Variants in FXR1 observed in about 807,000 individuals in gnomAD.
The protein encoded by FXR1 is FMR1 autosomal homolog 1, also known as RNA-binding protein FXR1.
FXR1 carries 15 observed loss-of-function variants against 84.0 expected under a neutral mutation model. The observed-to-expected ratio is 0.18, with a 90% CI of 0.12 to 0.27. The LOEUF is 0.27. FXR1 is among the 10% of genes least tolerant of loss of function. The pLI is 1.00. For missense variants in FXR1, 480 were observed against 774.4 expected (o/e 0.62, Z 4.51); for synonymous variants, 245 against 250.7 (o/e 0.98, Z 0.21).
chr3:180,913,356 C>T (rs1717476555), intron 1 of FXR1, among the ~76,000 whole-genome samples: 1 of 152,008 alleles, frequency 6.6e-6, no homozygotes, highest in South Asian at 2.1e-4. Context: ...ATTTTTGCGG[C>T]CTGGGAAATT....
intron 8 of FXR1, 40 bp downstream of exon 8, chr3:180,951,508 A>G (rs376260999): frequency 4.4e-6 from 6 of 1,356,652 alleles, no homozygotes; most frequent in Middle Eastern, 1.8e-4. Context: ...TAGTGTATTA[A>G]CCATCTATTG....
chr3:180,948,062 G>C, intron 4 of FXR1, 126 bp downstream of exon 4: 2 of 645,664 alleles, frequency 3.1e-6, no homozygotes, highest in South Asian at 4.2e-5. Context: ...TAGTTGATCA[G>C]ACATTTCCAT....
rs960334687 is a variant in FXR1 at position 180,952,291 on chromosome 3, G to A, written c.801+823G>A. Among the ~76,000 whole-genome samples, 3 of 152,096 alleles carry A rather than the reference G, an allele frequency of 2.0e-5. No homozygotes were observed. In the East Asian group the frequency reaches 5.8e-4, roughly 29 times the overall value. On this transcript the variant is annotated intron_variant, in intron 8 of 16. Coordinates refer to ENST00000357559, the MANE Select transcript of FXR1 (RefSeq NM_005087.4). ...TTTTTGAATGACAATTTTGTGTCTT[G>A]ACTTTTCATACATAGCTCTTATGAA...
At chr3:180,943,610 T>C (rs1721374570) in intron 3 of FXR1, among the ~76,000 whole-genome samples, 1 of 152,114 alleles carries the variant, frequency 6.6e-6, no homozygotes, top group Non-Finnish European at 1.5e-5. Context: ...GTTTAGTCAC[T>C]TTATGAGAGT....
At position 180,978,156 on chromosome 3, in the gene FXR1, T is replaced by A. The variant is rs1456297294; in HGVS notation, c.*1864T>A. ...TATAAGGTATTAGAAGAATTTTAAT[T>A]AATGCCAAATTGGTAAATATGGTGT... On this transcript the variant is annotated 3_prime_UTR_variant, in exon 17 of 17. Transcript: ENST00000357559. The A allele has an allele frequency of 6.7e-6, 1 of 149,762 alleles. No homozygotes were observed. Among genetic ancestry groups the A allele is most frequent in the Admixed American group, 6.6e-5 (1 of 15,080 alleles). The allele number at this position is 149,762 out of a possible 1,614,324, so 9.3% of individuals were successfully genotyped here.
chr3:180,925,799 C>T (rs574769), intron 1 of FXR1, among the ~76,000 whole-genome samples: 142,946 of 152,302 alleles, frequency 0.94, 67,172 homozygotes, highest in East Asian at 1. Flanking sequence ...ATAAAATCCA[C>T]TGTGGCAGTT....
At chr3:180,932,090 A>AAAAAAAAAAAC (rs1553842548) in intron 1 of FXR1, among the ~76,000 whole-genome samples, 27 of 149,892 alleles carry the variant, frequency 1.8e-4, no homozygotes, top group Non-Finnish European at 4.0e-4. Flanking sequence ...AAAAAAAAAA[A>AAAAAAAAAAAC]CAACTTTTTT....
At chr3:180,936,631 A>G (rs991383630) in intron 3 of FXR1, among the ~76,000 whole-genome samples, 3 of 152,232 alleles carry the variant, frequency 2.0e-5, no homozygotes, top group Non-Finnish European at 2.9e-5. Flanking sequence ...TAGGAAGTCA[A>G]AAATTGCAGC....
intron 1 of FXR1, among the ~76,000 whole-genome samples, chr3:180,919,420 G>GA (rs1400738941): frequency 2.6e-5 from 4 of 151,316 alleles, no homozygotes; most frequent in Non-Finnish European, 5.9e-5. Context: ...GAGTAGCTGG[G>GA]ATTATAGCTG....
rs10600370 is a variant in FXR1 at position 180,964,673 on chromosome 3, T to TTATATATATATA, written c.1198+1600_1198+1611dup. On this transcript the variant is annotated intron_variant, in intron 13 of 16. Coordinates refer to ENST00000357559, the MANE Select transcript of FXR1 (RefSeq NM_005087.4). The stretch of plus-strand genomic sequence containing the variant: ...TATATCAGAGGGACTTGTAGTTGAT[T>TTATATATATATA]TATATATATATATATATATATATAT... Among the ~76,000 whole-genome samples, 206 of 136,338 alleles carry TTATATATATATA rather than the reference T, an allele frequency of 1.5e-3. 1 individual carries two copies. Among genetic ancestry groups the TTATATATATATA allele is most frequent in the African/African-American group, 5.4e-3 (187 of 34,566 alleles). 89.4% of individuals were successfully genotyped at this position (136,338 alleles called of 152,430 possible). A position where few individuals can be genotyped will look rare whatever the true frequency, so the allele number is the denominator to read the frequency against.
chr3:180,946,445 G>A (rs565807700), intron 3 of FXR1, among the ~76,000 whole-genome samples: 7 of 152,324 alleles, frequency 4.6e-5, no homozygotes, highest in South Asian at 2.1e-4. Flanking sequence ...ATAAGGGTGA[G>A]TTCTGTTCTA....
intron 9 of FXR1, among the ~76,000 whole-genome samples, chr3:180,954,613 C>G (rs1471187611): frequency 6.6e-6 from 1 of 152,124 alleles, no homozygotes; most frequent in African/African-American, 2.4e-5. Flanking sequence ...TAAAAATTGA[C>G]TTACCTAAAC....
chr3:180,914,492 C>A (rs1717643242), intron 1 of FXR1, among the ~76,000 whole-genome samples: 1 of 152,118 alleles, frequency 6.6e-6, no homozygotes, highest in South Asian at 2.1e-4. Flanking sequence ...TTTCATGGTT[C>A]TGCATCATGC....
chr3:180,943,621 A>T (rs1218072344), intron 3 of FXR1, among the ~76,000 whole-genome samples: 1 of 152,164 alleles, frequency 6.6e-6, no homozygotes, highest in African/African-American at 2.4e-5. Context: ...TTATGAGAGT[A>T]ACTTGGTCTT....
At chr3:180,949,473 A>G (rs767749325) in intron 7 of FXR1, 130 bp downstream of exon 7, 98 of 667,580 alleles carry the variant, frequency 1.5e-4, no homozygotes, top group Non-Finnish European at 2.4e-4. Context: ...TGCAACCTCC[A>G]CCTCCCGGAT....
At position 180,980,449 on chromosome 3, in the gene FXR1, C is replaced by T. The variant is rs545097606; in HGVS notation, c.*4157C>T. On this transcript the variant is annotated 3_prime_UTR_variant, in exon 17 of 17. Coordinates refer to ENST00000357559, the MANE Select transcript of FXR1 (RefSeq NM_005087.4). ...TTAATTGGATTAACTGTAAAATGTA[C>T]ATATTAATTTTCTAGTTTTAGAGAC... The T allele has an allele frequency of 1.3e-5, 2 of 151,552 alleles. No homozygotes were observed. The highest frequency in any genetic ancestry group is 2.4e-5 in the African/African-American group (1 of 41,274). 9.4% of individuals were successfully genotyped at this position (151,552 alleles called of 1,614,324 possible). A position where few individuals can be genotyped will look rare whatever the true frequency, so the allele number is the denominator to read the frequency against.
intron 1 of FXR1, among the ~76,000 whole-genome samples, chr3:180,918,825 A>T (rs893692651): frequency 6.6e-6 from 1 of 152,206 alleles, no homozygotes; most frequent in Non-Finnish European, 1.5e-5. Flanking sequence ...CAGACTTTGT[A>T]GGTGCCTTAC....
rs768539744 is a variant in FXR1, at chr3:180,961,565, G to A, written c.1077+11G>A. ...ATTGCCTATCTAAAGGTTTGTATAC[G>A]GTTCATACTATATTCTGATATTGTT... is the stretch of plus-strand genomic sequence containing the variant. On this transcript the variant is annotated intron_variant, in intron 11 of 16. Coordinates refer to ENST00000357559, the MANE Select transcript of FXR1 (RefSeq NM_005087.4). The A allele has an allele frequency of 8.4e-6, 10 of 1,191,244 alleles. No individual in the cohort carries two copies. The highest frequency in any genetic ancestry group is 1.1e-5 in the Non-Finnish European group (9 of 799,706). 73.8% of individuals were successfully genotyped at this position (1,191,244 alleles called of 1,614,324 possible).
At position 180,949,341 on chromosome 3, in the gene FXR1, G is replaced by A; in HGVS notation, c.628G>A (p.Glu210Lys). The change falls in exon 7 of 17, where the codon GAA becomes AAA. Residue 210 changes from glutamate to lysine, a missense_variant and splice_region_variant. Coordinates refer to ENST00000357559, the MANE Select transcript of FXR1 (RefSeq NM_005087.4). ...AAATGAAGAGGCCACTAAGCATTTA[G>A]AAGTAAGTGGGTTTACTTACAAAAG... ...SRNEEATKHL[E>K]CTKQLAAAFH... The A allele has an allele frequency of 7.4e-7, 1 of 1,359,234 alleles. No homozygotes were observed. The highest frequency in any genetic ancestry group is 1.1e-6 in the Non-Finnish European group (1 of 946,962). 84.2% of individuals were successfully genotyped at this position (1,359,234 alleles called of 1,614,324 possible). A position where few individuals can be genotyped will look rare whatever the true frequency, so the allele number is the denominator to read the frequency against.
Sources: allele counts gnomAD v4.1 joint callset (sites outside exome capture counted in the v4.1 genomes callset), GRCh38; gene constraint gnomAD v4.1.1; transcripts MANE v1.5; gene names NCBI Gene and HGNC (gene_info 2026-07-23, HGNC 2026-07-21).